Variants in FGF13 observed in about 807,000 individuals in gnomAD.
The protein encoded by FGF13 is fibroblast growth factor 13, also known as fibroblast growth factor homologous factor 2.
FGF13 carries 2 observed loss-of-function variants against 19.5 expected under a neutral mutation model. The ratio of observed to expected loss-of-function variants is 0.10; its 90% confidence interval spans 0.04 to 0.32. The LOEUF (loss-of-function observed/expected upper bound fraction) is 0.32, where lower values mean the gene tolerates loss of function less well. FGF13 is among the 10% of genes least tolerant of loss of function. The pLI is 1.00. For synonymous variants in FGF13, 72 were observed against 76.9 expected, an observed-to-expected ratio of 0.94 and a Z score of 0.33; for missense variants, 113 against 192.7, an observed-to-expected ratio of 0.59 and a Z score of 2.45.
chrX:138,837,288 G>T (rs2091119720), intron 3 of FGF13, among the ~76,000 whole-genome samples: 1 of 111,968 alleles, frequency 8.9e-6, no homozygotes, highest in Non-Finnish European at 1.9e-5. Flanking sequence ...TTTCCTAAGA[G>T]CAAAGATGGC....
intron 1 of FGF13, among the ~76,000 whole-genome samples, chrX:139,096,021 G>T (rs1304967649): frequency 9.0e-6 from 1 of 111,704 alleles, no homozygotes; most frequent in African/African-American, 3.3e-5. Flanking sequence ...TGGGGGGTAA[G>T]GAAATCTTCA....
At chrX:139,072,447 T>C (rs756538152) in intron 1 of FGF13, among the ~76,000 whole-genome samples, 10 of 111,579 alleles carry the variant, frequency 9.0e-5, no homozygotes, top group Non-Finnish European at 1.9e-4. Flanking sequence ...AAATTTCTGT[T>C]GTTTAAGCCA....
chrX:139,173,348 C>T (rs1008741206), intron 1 of FGF13, among the ~76,000 whole-genome samples: 4 of 110,164 alleles, frequency 3.6e-5, no homozygotes, highest in Admixed American at 2.9e-4. Flanking sequence ...CCTGTCTCAT[C>T]AGATAGCTCT....
chrX:139,058,801 C>T (rs753413169), intron 1 of FGF13, among the ~76,000 whole-genome samples: 9 of 111,042 alleles, frequency 8.1e-5, no homozygotes, highest in Admixed American at 5.7e-4. Context: ...CATGCTCTTT[C>T]GTATATGCAG....
At chrX:139,011,372 A>C (rs1309135458) in intron 1 of FGF13, among the ~76,000 whole-genome samples, 3 of 109,780 alleles carry the variant, frequency 2.7e-5, no homozygotes, top group African/African-American at 9.9e-5. Flanking sequence ...AAAAAAAAAA[A>C]AAAAAAAAGA....
intron 1 of FGF13, among the ~76,000 whole-genome samples, chrX:139,023,039 T>C (rs945326417): frequency 1.8e-5 from 2 of 111,594 alleles, no homozygotes; most frequent in East Asian, 5.7e-4. Flanking sequence ...GTATATGGCA[T>C]ACAAGAAAAT....
chrX:138,958,136 C>A (rs1569430208), intron 1 of FGF13, among the ~76,000 whole-genome samples: 2 of 111,797 alleles, frequency 1.8e-5, no homozygotes, highest in Admixed American at 1.9e-4. Context: ...AGTTTTTGCC[C>A]ATTCAGTATG....
intron 2 of FGF13, among the ~76,000 whole-genome samples, chrX:138,860,431 T>C (rs73241080): frequency 9.0e-6 from 1 of 111,164 alleles, no homozygotes; most frequent in Non-Finnish European, 1.9e-5. Flanking sequence ...ATCCAGCCCA[T>C]TAAGATAGGA....
intron 1 of FGF13, among the ~76,000 whole-genome samples, chrX:138,893,956 T>C (rs914931221): frequency 1.8e-5 from 2 of 111,641 alleles, no homozygotes; most frequent in Non-Finnish European, 3.8e-5. Context: ...TTATTATTGG[T>C]ATAATACAGG....
chrX:138,973,013 T>A (rs774227302), intron 1 of FGF13, among the ~76,000 whole-genome samples: 1 of 111,840 alleles, frequency 8.9e-6, no homozygotes, highest in South Asian at 3.7e-4. Flanking sequence ...TTTGTTAGTT[T>A]TGCTTTGATA....
At chrX:139,033,027 C>CAAAAAAAAAAAAAAA (rs758766077) in intron 1 of FGF13, among the ~76,000 whole-genome samples, 2 of 27,271 alleles carry the variant, frequency 7.3e-5, no homozygotes, top group African/African-American at 2.6e-4. Flanking sequence ...TCTGATTATC[C>CAAAAAAAAAAAAAAA]AAAAAAAAAA....
At chrX:138,855,890 T>C (rs1328722630), downstream of FGF13, among the ~76,000 whole-genome samples, 1 of 111,431 alleles carries the variant, frequency 9.0e-6, no homozygotes, top group Non-Finnish European at 1.9e-5. Context: ...TTTAACCAGC[T>C]GCTTCTTAAC....
At chrX:139,069,595 C>T (rs1301853038) in intron 1 of FGF13, among the ~76,000 whole-genome samples, 1 of 108,176 alleles carries the variant, frequency 9.2e-6, no homozygotes, top group East Asian at 3.0e-4. Flanking sequence ...CACATGTACC[C>T]TAAAACTTAA....
At position 138,625,488 on chromosome X, in the gene FGF13, TATATATATACATATATATATATAATATA is replaced by T. The variant is rs1207394100; in HGVS notation, c.*7334_*7361del. The stretch of plus-strand genomic sequence containing the variant: ...TATATATACATATATATATATAATA[TATATATATACATATATATATATAATATA>T]ATATATATATATATCTTAGCCATAT... On this transcript the variant is annotated 3_prime_UTR_variant, in exon 5 of 5. Transcript: ENST00000315930. 4,030 of 98,019 alleles carry T rather than the reference TATATATATACATATATATATATAATATA, an allele frequency of 0.041. 228 individuals are homozygous for T. Among genetic ancestry groups the T allele is most frequent in the African/African-American group, 0.14 (3,775 of 26,271 alleles). The allele number at this position is 98,019 out of a possible 1,213,427, so 8.1% of individuals were successfully genotyped here.
At chrX:139,179,202 C>T (rs1342058329) in intron 1 of FGF13, among the ~76,000 whole-genome samples, 1 of 111,485 alleles carries the variant, frequency 9.0e-6, no homozygotes, top group Admixed American at 9.6e-5. Flanking sequence ...CTTAATATCT[C>T]ACAGTGGACT....
At chrX:139,112,971 AGTGTGTGTGTGTGTGTGTGTGT>A (rs748975156) in intron 1 of FGF13, among the ~76,000 whole-genome samples, 9 of 87,753 alleles carry the variant, frequency 1.0e-4, no homozygotes, top group Admixed American at 3.8e-4. Flanking sequence ...TTGATTATGT[AGTGTGTGTGTGTGTGTGTGTGT>A]GTGTGTGTGT....
At chrX:138,845,437 TTAGA>T (rs746837554) in intron 3 of FGF13, among the ~76,000 whole-genome samples, 9 of 112,005 alleles carry the variant, frequency 8.0e-5, no homozygotes, top group Non-Finnish European at 1.5e-4. Flanking sequence ...TCAAAATGTG[TTAGA>T]TAAATAAGTT....
chrX:139,082,548 G>A (rs1180454067), intron 1 of FGF13, among the ~76,000 whole-genome samples: 2 of 111,575 alleles, frequency 1.8e-5, no homozygotes, highest in East Asian at 5.6e-4. Context: ...CACACACAGA[G>A]AAGCCCATGT....
At chrX:138,888,561 C>T (rs763386670) in intron 1 of FGF13, among the ~76,000 whole-genome samples, 35 of 110,426 alleles carry the variant, frequency 3.2e-4, no homozygotes, top group Admixed American at 1.3e-3. Context: ...TGACATTTAG[C>T]ACTCCTTTTG....
Sources: gnomAD v4.1 joint callset for allele counts (sites outside exome capture counted in the v4.1 genomes callset) on GRCh38, gnomAD v4.1.1 for gene constraint, MANE v1.5 for transcripts, NCBI Gene and HGNC (gene_info 2026-07-23, HGNC 2026-07-21) for gene names.